Variants in COBLL1 observed in about 807,000 individuals in gnomAD.
The protein encoded by COBLL1 is cordon-bleu protein-like 1.
A neutral mutation model predicts 94.8 loss-of-function variants in COBLL1; 50 were observed. The observed-to-expected ratio is 0.53, with a 90% CI of 0.42 to 0.67. COBLL1 has a LOEUF of 0.67. Among genes scored for constraint, COBLL1 ranks in the 30% least tolerant of loss-of-function variants. The pLI is 0.00. For synonymous variants in COBLL1, 448 were observed against 473.8 expected, an observed-to-expected ratio of 0.95 and a Z score of 0.71; for missense variants, 1,362 against 1,348.7, an observed-to-expected ratio of 1.01 and a Z score of -0.15.
intron 1 of COBLL1, among the ~76,000 whole-genome samples, chr2:164,669,156 A>G (rs1177764672): frequency 6.6e-6 from 1 of 152,208 alleles, no homozygotes; most frequent in Admixed American, 6.5e-5. Context: ...GAAAGGGAAG[A>G]GTTGATGAAC....
At chr2:164,663,624 A>T (rs1184916056) in intron 2 of COBLL1, among the ~76,000 whole-genome samples, 1 of 152,186 alleles carries the variant, frequency 6.6e-6, no homozygotes, top group Non-Finnish European at 1.5e-5. Context: ...CAGCCATAAA[A>T]AAGAATGAAA....
chr2:164,696,057 C>T, intron 11 of COBLL1: 1 of 451,580 alleles, frequency 2.2e-6, no homozygotes, highest in Non-Finnish European at 3.9e-6. Context: ...CTAGTGTGGC[C>T]ACAACATGTT....
intron 2 of COBLL1, among the ~76,000 whole-genome samples, chr2:164,799,019 C>CA (rs555113117): frequency 0.013 from 910 of 69,744 alleles, 38 homozygotes; most frequent in South Asian, 0.032. Flanking sequence ...GACTCCGTCT[C>CA]AAAAAAAAAA....
chr2:164,707,773 G>A (rs935895973), intron 7 of COBLL1, among the ~76,000 whole-genome samples: 1 of 152,182 alleles, frequency 6.6e-6, no homozygotes, highest in Non-Finnish European at 1.5e-5. Flanking sequence ...AGGGGCACGT[G>A]TAAAGCTTGG....
rs566536964 is a variant in COBLL1, at chr2:164,670,477, G to A, written n.127-4576C>T. Among the ~76,000 whole-genome samples the A allele has an allele frequency of 2.0e-5, 3 of 152,154 alleles. No individual in the cohort carries two copies. The South Asian group carries it at 6.2e-4, about 32-fold the overall frequency. ...AACAATGAATAATAGCAATCTTATT[G>A]CTCACTCTTGTGAATTAAAAAGTAG... is the stretch of plus-strand genomic sequence containing the variant. On this transcript the variant is annotated intron_variant and non_coding_transcript_variant, in intron 1 of 2. Transcript: ENST00000495084.
At chr2:164,695,960 G>A in intron 11 of COBLL1, 124 bp from the exon 12 acceptor site, 2 of 746,590 alleles carry the variant, frequency 2.7e-6, no homozygotes, top group African/African-American at 1.8e-5. Context: ...TCAACTCACT[G>A]ACTATATAAA....
chr2:164,790,211 T>C (rs1250583070), intron 2 of COBLL1, among the ~76,000 whole-genome samples: 1 of 152,142 alleles, frequency 6.6e-6, no homozygotes, highest in African/African-American at 2.4e-5. Context: ...GATGTGCATG[T>C]CAGGTTCATT....
At chr2:164,753,354 T>C (rs1687219550) in intron 2 of COBLL1, among the ~76,000 whole-genome samples, 1 of 152,046 alleles carries the variant, frequency 6.6e-6, no homozygotes, top group Non-Finnish European at 1.5e-5. Flanking sequence ...TCTGCCCCCA[T>C]AGCACCTCCA....
chr2:164,723,099 C>T (rs1187619028), intron 5 of COBLL1: 2 of 152,170 alleles, frequency 1.3e-5, no homozygotes, highest in African/African-American at 4.8e-5. Context: ...TGATTGCCAC[C>T]ATTGGCAATG....
chr2:164,686,215 C>T lies in COBLL1; in HGVS notation c.3301-183G>A, dbSNP rs73968221. Among the ~76,000 whole-genome samples the T allele has an allele frequency of 9.8e-3, 1,497 of 152,134 alleles. 16 individuals carry two copies. The highest frequency in any genetic ancestry group is 0.028 in the African/African-American group (1,156 of 41,480). ...ACCATAAAATTTAAAAAGAGAGAGTCGTTATTTTCACAACAAATAAGATAA... is the reference window on the plus strand; with the variant it reads ...ACCATAAAATTTAAAAAGAGAGAGTTGTTATTTTCACAACAAATAAGATAA... On this transcript the variant is annotated intron_variant, in intron 13 of 13. Coordinates refer to ENST00000652658, the MANE Select transcript of COBLL1 (RefSeq NM_001365672.2).
At chr2:164,673,135 T>A (rs1370192054) in intron 1 of COBLL1, among the ~76,000 whole-genome samples, 1 of 152,248 alleles carries the variant, frequency 6.6e-6, no homozygotes, top group African/African-American at 2.4e-5. Flanking sequence ...TTGATTCTTA[T>A]GAGAATTTTC....
intron 2 of COBLL1, among the ~76,000 whole-genome samples, chr2:164,805,529 G>T (rs1377670649): frequency 6.9e-6 from 1 of 145,698 alleles, no homozygotes; most frequent in East Asian, 2.0e-4. Flanking sequence ...CAAATCCCTA[G>T]CAATTCATCT....
chr2:164,793,121 A>C (rs1040719102), intron 2 of COBLL1, among the ~76,000 whole-genome samples: 33 of 152,194 alleles, frequency 2.2e-4, no homozygotes, highest in African/African-American at 7.7e-4. Context: ...GCAGAAACTT[A>C]AATTCATGCT....
At chr2:164,837,193 T>C (rs562036576) in intron 2 of COBLL1, among the ~76,000 whole-genome samples, 42 of 152,048 alleles carry the variant, frequency 2.8e-4, no homozygotes, top group Non-Finnish European at 5.0e-4. Flanking sequence ...AATATTAAGA[T>C]CCCTCAGAGC....
chr2:164,672,705 CAAAAAAA>C (rs1187183800), intron 1 of COBLL1, among the ~76,000 whole-genome samples: 6 of 64,968 alleles, frequency 9.2e-5, no homozygotes, highest in Non-Finnish European at 1.3e-4. Context: ...GACTCCGTCT[CAAAAAAA>C]AAAAAAAAAA....
intron 2 of COBLL1, among the ~76,000 whole-genome samples, chr2:164,782,588 G>C (rs963693118): frequency 6.6e-6 from 1 of 152,096 alleles, no homozygotes; most frequent in Non-Finnish European, 1.5e-5. Flanking sequence ...TTCTGGGCTA[G>C]GATAGTGGTG....
intron 2 of COBLL1, among the ~76,000 whole-genome samples, chr2:164,834,250 T>G (rs1683219084): frequency 1.3e-5 from 2 of 152,244 alleles, no homozygotes; most frequent in Admixed American, 1.3e-4. Flanking sequence ...CTTCTACCTT[T>G]GGTCCATTTC....
rs542797653 is a variant in COBLL1 at position 164,717,817 on chromosome 2, G to A, written c.996+4258C>T. ...GGCTTTTAAGTGATCCTCCTACCTC[G>A]GCCTCCCAAAGTGCTGGGATTATAG... On this transcript the variant is annotated intron_variant, in intron 7 of 13. Transcript: ENST00000652658. Among the ~76,000 whole-genome samples, 11 of 152,106 alleles carry A rather than the reference G, an allele frequency of 7.2e-5. No individual in the cohort carries two copies. The East Asian group carries it at 1.9e-3, about 27-fold the overall frequency.
rs143883368 is a variant in COBLL1, at chr2:164,805,655, G to A, written c.41+35501C>T. ...TTAAGGTTGCTCCATGTCTGTTCAT[G>A]GCTTGATAGTTCATTTTCTTTTATC... is the stretch of plus-strand genomic sequence containing the variant. On this transcript the variant is annotated intron_variant, in intron 2 of 13. Transcript: ENST00000652658. 5.1e-3 allele frequency among the ~76,000 whole-genome samples: 781 copies of A among 151,792 alleles called. 2 individuals are homozygous for A. Among genetic ancestry groups the A allele is most frequent in the South Asian group, 0.013 (64 of 4,792 alleles).
Sources: allele counts gnomAD v4.1 joint callset (sites outside exome capture counted in the v4.1 genomes callset), GRCh38; gene constraint gnomAD v4.1.1; transcripts MANE v1.5; gene names NCBI Gene and HGNC (gene_info 2026-07-23, HGNC 2026-07-21).